Variants in PLBD1 observed in about 807,000 individuals in gnomAD.
PLBD1 encodes the protein lysosomal leucine aminopeptidase.
A neutral mutation model predicts 63.0 loss-of-function variants in PLBD1; 60 were observed. The ratio of observed to expected loss-of-function variants is 0.95; its 90% CI spans 0.77 to 1.18. PLBD1 has a LOEUF of 1.18. Among genes scored for constraint, PLBD1 ranks in the 50% most tolerant of loss-of-function variants. The probability of loss-of-function intolerance (pLI) is 0.00; values close to 1 mark genes in which losing one functional copy is unlikely to be tolerated. For synonymous variants in PLBD1, 262 were observed against 248.0 expected, an observed-to-expected ratio of 1.06 and a Z score of -0.53; for missense variants, 598 against 677.9, an observed-to-expected ratio of 0.88 and a Z score of 1.31.
chr12:14,555,445 G>A (rs1945695271), intron 1 of PLBD1, among the ~76,000 whole-genome samples: 1 of 152,196 alleles, frequency 6.6e-6, no homozygotes, highest in Non-Finnish European at 1.5e-5. Context: ...GCTGAGGCAG[G>A]AGAATTGCTT....
At chr12:14,519,294 A>G (rs141979899) in intron 6 of PLBD1, among the ~76,000 whole-genome samples, 35 of 152,274 alleles carry the variant, frequency 2.3e-4, no homozygotes, top group African/African-American at 8.2e-4. Context: ...CATATGGGCA[A>G]ACTCTAATTC....
At position 14,507,062 on chromosome 12, in the gene PLBD1, A is replaced by T; in HGVS notation, c.1243T>A (p.Tyr415Asn). The T allele has an allele frequency of 6.2e-7, 1 of 1,613,900 alleles. No individual in the cohort carries two copies. Among genetic ancestry groups the T allele is most frequent in the Non-Finnish European group, 8.5e-7 (1 of 1,179,814 alleles). The change falls in exon 9 of 11, where the codon TAT becomes AAT. Residue 415 changes from tyrosine (Y) to asparagine (N), a missense_variant. Coordinates refer to ENST00000240617, the MANE Select transcript of PLBD1 (RefSeq NM_024829.6). The part of the protein sequence containing the change: ...FHEKIYNWSG[Y>N]PLLVQKLGLD... ...CCCAGCTTCTGAACTAACAGTGGATAGCCACTCCAGTTGTAGATTTTTTCA... is the reference window on the plus strand; with the variant it reads ...CCCAGCTTCTGAACTAACAGTGGATTGCCACTCCAGTTGTAGATTTTTTCA...
intron 8 of PLBD1, among the ~76,000 whole-genome samples, chr12:14,509,467 T>A (rs1945279728): frequency 6.6e-6 from 1 of 152,178 alleles, no homozygotes; most frequent in Non-Finnish European, 1.5e-5. Context: ...CACCTAATGA[T>A]TTGACTTCTT....
intron 1 of PLBD1, among the ~76,000 whole-genome samples, chr12:14,563,221 GA>G (rs1166411953): frequency 6.6e-6 from 1 of 152,156 alleles, no homozygotes; most frequent in Non-Finnish European, 1.5e-5. Flanking sequence ...GAGAGCACAA[GA>G]AAATGTTCAA....
intron 1 of PLBD1, among the ~76,000 whole-genome samples, chr12:14,566,794 T>TAA (rs34908327): frequency 7.2e-6 from 1 of 138,652 alleles, no homozygotes; most frequent in Non-Finnish European, 1.6e-5. Flanking sequence ...GATTATATAT[T>TAA]AAAAAAAAAA....
At position 14,511,504 on chromosome 12, in the gene PLBD1, C is replaced by T. The variant is rs1460476166; in HGVS notation, c.1045+7G>A. 18 of 1,614,064 alleles carry T rather than the reference C, an allele frequency of 1.1e-5. No individual in the cohort carries two copies. Among genetic ancestry groups the T allele is most frequent in the Non-Finnish European group, 1.4e-5 (17 of 1,180,028 alleles). Reference sequence around the variant, plus strand: ...GTGCCTAACAGTTATTCTGCAGGGTCACTTACCAGAGTTGTATTTTGAAAA... The same window carrying T: ...GTGCCTAACAGTTATTCTGCAGGGTTACTTACCAGAGTTGTATTTTGAAAA... On this transcript the variant is annotated splice_region_variant and intron_variant, in intron 7 of 10. Coordinates refer to ENST00000240617, the MANE Select transcript of PLBD1 (RefSeq NM_024829.6).
chr12:14,550,156 A>C (rs1428612406), intron 2 of PLBD1, among the ~76,000 whole-genome samples: 1 of 152,212 alleles, frequency 6.6e-6, no homozygotes, highest in Non-Finnish European at 1.5e-5. Context: ...TATTCTGGCC[A>C]CTGGAGTGCT....
At chr12:14,554,575 C>T (rs1945686293) in intron 1 of PLBD1, among the ~76,000 whole-genome samples, 1 of 152,044 alleles carries the variant, frequency 6.6e-6, no homozygotes, top group African/African-American at 2.4e-5. Context: ...CCAGGCCTCG[C>T]CTTCTGGAAA....
Position 14,535,753 on chromosome 12 carries a change from C to G in PLBD1, c.750G>C (p.Thr250=), listed in dbSNP as rs373931696. ...TATATATCCTGAGCATGGCTGCATA[C>G]GTGTACCAGCTTGAGTGAGCAAAAA... ...NILFAHSSWY[T]YAAMLRIYKH... The change falls in exon 6 of 11, where the codon ACG becomes ACC. Residue 250 remains threonine, a synonymous_variant. Coordinates refer to ENST00000240617, the MANE Select transcript of PLBD1 (RefSeq NM_024829.6). 6 of 1,613,826 alleles carry G rather than the reference C, an allele frequency of 3.7e-6. No individual in the cohort carries two copies. In the Admixed American group the frequency reaches 5.0e-5, roughly 13 times the overall value.
intron 6 of PLBD1, among the ~76,000 whole-genome samples, chr12:14,518,896 T>C (rs534208103): frequency 6.6e-6 from 1 of 152,110 alleles, no homozygotes; most frequent in Non-Finnish European, 1.5e-5. Context: ...TGTGCTACTC[T>C]TTGTTAATAT....
chr12:14,536,554 AGCT>A lies in PLBD1; in HGVS notation c.699+13_699+15del. The A allele has an allele frequency of 2.5e-6, 4 of 1,612,610 alleles. No homozygotes were observed. Among genetic ancestry groups the A allele is most frequent in the Admixed American group, 1.7e-5 (1 of 59,784 alleles). ...GTATGAACCAGAACAAGGCAAAAGGAGCTGCTATGTCTTACCTTGATAAGAGCG... is the reference window on the plus strand; with the variant it reads ...GTATGAACCAGAACAAGGCAAAAGGAGCTATGTCTTACCTTGATAAGAGCG... On this transcript the variant is annotated intron_variant, in intron 5 of 10. Transcript: ENST00000240617.
Position 14,503,699 on chromosome 12 carries a change from G to C in PLBD1, c.*73C>G. 7.3e-7 allele frequency: 1 copy of C among 1,370,188 alleles called. No homozygotes were observed. The highest frequency in any genetic ancestry group is 1.0e-6 in the Non-Finnish European group (1 of 991,132). 84.9% of individuals were successfully genotyped at this position (1,370,188 alleles called of 1,614,324 possible). A position where few individuals can be genotyped will look rare whatever the true frequency, so the allele number is the denominator to read the frequency against. On this transcript the variant is annotated 3_prime_UTR_variant, in exon 11 of 11. Transcript: ENST00000240617. ...TTAATATATTTTATTGCATAATTCT[G>C]ATGGGAAAAACATAGCTAAAATAGT...
At position 14,503,856 on chromosome 12, in the gene PLBD1, G is replaced by A. The variant is rs746450386; in HGVS notation, c.1578C>T (p.Asn526=). ...CTGGCATGCCCTGATGTAGAGTTTT[G>A]TTGAAACGGTCCCAGCGAAAAACAG... ...GLPVFRWDRF[N]KTLHQGMPEV... The change falls in exon 11 of 11, where the codon AAC becomes AAT. Residue 526 remains asparagine (N), a synonymous_variant. Transcript: ENST00000240617. 7 of 1,613,862 alleles carry A rather than the reference G, an allele frequency of 4.3e-6. No individual in the cohort carries two copies. Among genetic ancestry groups the A allele is most frequent in the Non-Finnish European group, 5.9e-6 (7 of 1,179,818 alleles).
At chr12:14,539,731 A>G (rs1437612483) in intron 4 of PLBD1, among the ~76,000 whole-genome samples, 1 of 151,376 alleles carries the variant, frequency 6.6e-6, no homozygotes, top group Non-Finnish European at 1.5e-5. Flanking sequence ...GGTTGCAGTG[A>G]GCCAAGATCA....
chr12:14,564,269 A>G (rs1393513485), intron 1 of PLBD1, among the ~76,000 whole-genome samples: 1 of 152,238 alleles, frequency 6.6e-6, no homozygotes, highest in African/African-American at 2.4e-5. Flanking sequence ...GACCCCAGTC[A>G]TAGGTCTGCC....
intron 1 of PLBD1, among the ~76,000 whole-genome samples, chr12:14,561,702 G>A (rs2136935591): frequency 6.6e-6 from 1 of 152,272 alleles, no homozygotes; most frequent in East Asian, 1.9e-4. Flanking sequence ...TCACAAGCGT[G>A]CGCCACGCCA....
rs114640738 is a variant in PLBD1, at chr12:14,548,757, G to A, written c.335+4436C>T. Among the ~76,000 whole-genome samples, 812 of 152,280 alleles carry A rather than the reference G, an allele frequency of 5.3e-3. 9 individuals are homozygous for A. Among genetic ancestry groups the A allele is most frequent in the African/African-American group, 0.019 (788 of 41,566 alleles). ...ATGTAGTCAGGAACCAACTCCCTAC[G>A]TTTCTTCCTATCCTCAGTGCCACGC... On this transcript the variant is annotated intron_variant, in intron 2 of 10. Coordinates refer to ENST00000240617, the MANE Select transcript of PLBD1 (RefSeq NM_024829.6).
intron 10 of PLBD1, 31 bp from the exon 11 acceptor site, chr12:14,503,985 A>G: frequency 6.4e-7 from 1 of 1,567,720 alleles, no homozygotes; most frequent in Non-Finnish European, 8.7e-7. Context: ...GACATTTTAG[A>G]AAATCATCGT....
Position 14,560,342 on chromosome 12 carries a change from G to A in PLBD1, c.116-6930C>T, listed in dbSNP as rs1183889269. On this transcript the variant is annotated intron_variant, in intron 1 of 10. Transcript: ENST00000240617. ...CAGGTAGTTTTCAACCCCAAGCAAT[G>A]CAATGTTTACTTAATATATTCAGAA... 3.9e-5 allele frequency among the ~76,000 whole-genome samples: 6 copies of A among 152,050 alleles called. No individual in the cohort carries two copies. The East Asian group carries it at 9.6e-4, about 24-fold the overall frequency.
Sources: allele counts gnomAD v4.1 joint callset (sites outside exome capture counted in the v4.1 genomes callset), GRCh38; gene constraint gnomAD v4.1.1; transcripts MANE v1.5; gene names NCBI Gene and HGNC (gene_info 2026-07-23, HGNC 2026-07-21).